The following LHX6 variants were observed in gnomAD, a reference collection of about 807,000 sequenced individuals.
LHX6 encodes LIM homeobox 6, also known as LIM/homeobox protein Lhx6.
Under a neutral mutation model 47.1 loss-of-function variants are expected in LHX6, and 15 were observed. The ratio of observed to expected loss-of-function variants is 0.32; its 90% CI spans 0.21 to 0.49. The LOEUF (loss-of-function observed/expected upper bound fraction) is 0.49. Ranked by LOEUF, LHX6 falls within the 20% of genes least tolerant of loss-of-function variation. LHX6 has a pLI of 0.99. For synonymous variants in LHX6, 242 were observed against 233.5 expected, an observed-to-expected ratio of 1.04 and a Z score of -0.33; for missense variants, 404 against 539.6, an observed-to-expected ratio of 0.75 and a Z score of 2.49.
rs1831114082 is a variant in LHX6, at chr9:122,226,644, T to C, written c.340-147A>G. 7.7e-7 allele frequency: 1 copy of C among 1,304,692 alleles called. No homozygotes were observed. The highest frequency in any genetic ancestry group is 1.4e-5 in the South Asian group (1 of 70,226). 80.8% of individuals were successfully genotyped at this position (1,304,692 alleles called of 1,614,324 possible). On this transcript the variant is annotated intron_variant, in intron 3 of 9. Coordinates refer to ENST00000394319, the MANE Select transcript of LHX6 (RefSeq NM_014368.5). The surrounding 1 kb of genome is among the most constrained non-coding windows in gnomAD (Gnocchi z 6.5). ...TATTTTTCTCCCGTAATACTGAGAC[T>C]CAGGGAAATGGAAATAAACTCTTCT...
At chr9:122,204,887 G>T in intron 9 of LHX6, 107 bp from the exon 10 acceptor site, 1 of 689,072 alleles carries the variant, frequency 1.5e-6, no homozygotes, top group Non-Finnish European at 2.3e-6. Context: ...TCAGGGCCCA[G>T]ATCTGAGTTT....
chr9:122,205,061 T>C (rs1434597719), intron 9 of LHX6, among the ~76,000 whole-genome samples: 1 of 152,216 alleles, frequency 6.6e-6, no homozygotes, highest in African/African-American at 2.4e-5. Context: ...TTCTGGGCAT[T>C]TCACCCTGCA....
chr9:122,219,914 G>C (rs1020807323), intron 4 of LHX6, among the ~76,000 whole-genome samples: 1 of 152,258 alleles, frequency 6.6e-6, no homozygotes, highest in Admixed American at 6.5e-5. Context: ...GCTGATTCTG[G>C]AATCTCCAGC....
chr9:122,223,411 G>A (rs754308892), intron 4 of LHX6, among the ~76,000 whole-genome samples: 76 of 152,206 alleles, frequency 5.0e-4, no homozygotes, highest in Non-Finnish European at 3.2e-4. Context: ...CTCAAGCTGC[G>A]TGGGGAAATG....
At position 122,214,480 on chromosome 9, in the gene LHX6, AGGAGCG is replaced by A; in HGVS notation, c.683-103_683-98del. 7.1e-7 allele frequency: 1 copy of A among 1,398,964 alleles called. No homozygotes were observed. Among genetic ancestry groups the A allele is most frequent in the Non-Finnish European group, 9.2e-7 (1 of 1,081,660 alleles). 86.7% of individuals were successfully genotyped at this position (1,398,964 alleles called of 1,614,324 possible). Reference sequence around the variant, plus strand: ...GGGGGAGCTTGTCCCTGGAAGGGTCAGGAGCGGGAGTTGGCTGGGAGCAGGGATCCC... The same window carrying A: ...GGGGGAGCTTGTCCCTGGAAGGGTCAGGAGTTGGCTGGGAGCAGGGATCCC... On this transcript the variant is annotated intron_variant, in intron 5 of 9. Coordinates refer to ENST00000394319, the MANE Select transcript of LHX6 (RefSeq NM_014368.5). This position sits in a 1 kb window ranked among gnomAD's most constrained non-coding sequence, Gnocchi z 4.6.
rs113235907 is a variant in LHX6, at chr9:122,204,387, G to A, written c.*373C>T. On this transcript the variant is annotated 3_prime_UTR_variant, in exon 10 of 10. Transcript: ENST00000394319. The stretch of plus-strand genomic sequence containing the variant: ...GGAAGTAGTAAATAAAGGCCAATGT[G>A]GGGGAAAAAAACCTGTAAATGAGAA... 3.3e-4 allele frequency: 104 copies of A among 316,340 alleles called. 1 individual carries two copies. Among genetic ancestry groups the A allele is most frequent in the African/African-American group, 1.8e-3 (85 of 46,908 alleles). The allele number at this position is 316,340 out of a possible 1,614,324, so 19.6% of individuals were successfully genotyped here. A position where few individuals can be genotyped will look rare whatever the true frequency, so the allele number is the denominator to read the frequency against.
In LHX6 at chr9:122,209,644, C is replaced by T. The variant is rs531957865; in HGVS notation, c.1128G>A (p.Met376Ile). Residue 376 changes from methionine (M) to isoleucine (I), a missense_variant, in exon 9 of 10, where the codon ATG becomes ATA. This residue lies in a region of LHX6 where 127 missense variants were observed against 116.1 expected (regional missense o/e 1.09). Coordinates refer to ENST00000394319, the MANE Select transcript of LHX6 (RefSeq NM_014368.5). ...TAPPVHLKADMDGPLSNRGEK... is the reference protein window; with the variant it reads ...TAPPVHLKADIDGPLSNRGEK... ...CACCCCGGTTGGAGAGCGGCCCATCCATATCGGCTTTGAGGTGGACGGGGG... is the reference window on the plus strand; with the variant it reads ...CACCCCGGTTGGAGAGCGGCCCATCTATATCGGCTTTGAGGTGGACGGGGG... 4.5e-6 allele frequency: 7 copies of T among 1,563,926 alleles called. No homozygotes were observed. In the East Asian group the frequency reaches 1.3e-4, roughly 30 times the overall value.
chr9:122,206,261 T>C (rs1411114281), intron 9 of LHX6, among the ~76,000 whole-genome samples: 2 of 152,108 alleles, frequency 1.3e-5, no homozygotes, highest in Non-Finnish European at 2.9e-5. Flanking sequence ...GCCAGGCCAG[T>C]GCTGGTCTAG....
Position 122,226,532 on chromosome 9 carries a change from G to A in LHX6, c.340-35C>T, listed in dbSNP as rs746302649. On this transcript the variant is annotated intron_variant, in intron 3 of 9. Coordinates refer to ENST00000394319, the MANE Select transcript of LHX6 (RefSeq NM_014368.5). This position sits in a 1 kb window ranked among gnomAD's most constrained non-coding sequence, Gnocchi z 6.5. ...GGGCGGGGACGGAGGTCGGCTCAGC[G>A]CGGGCCTCTTTCACTCCGGGCCCCA... is the stretch of plus-strand genomic sequence containing the variant. 5.0e-6 allele frequency: 8 copies of A among 1,601,822 alleles called. No homozygotes were observed. The African/African-American group carries it at 8.1e-5, about 16-fold the overall frequency.
Position 122,202,875 on chromosome 9 carries a change from C to T in LHX6, c.*1885G>A, listed in dbSNP as rs890520174. On this transcript the variant is annotated 3_prime_UTR_variant, in exon 10 of 10. Coordinates refer to ENST00000394319, the MANE Select transcript of LHX6 (RefSeq NM_014368.5). ...ATAGACCCTGAGGAGAGGCTCAAGG[C>T]AGAGTGTGTTGGGTGACCCTGGGTA... The T allele has an allele frequency of 3.3e-5, 5 of 152,552 alleles. No individual in the cohort carries two copies. The highest frequency in any genetic ancestry group is 5.9e-5 in the Non-Finnish European group (4 of 68,038). The allele number at this position is 152,552 out of a possible 1,614,324, so 9.4% of individuals were successfully genotyped here.
chr9:122,204,916 C>A (rs1014838967), intron 9 of LHX6, 136 bp from the exon 10 acceptor site: 9 of 529,420 alleles, frequency 1.7e-5, no homozygotes, highest in Non-Finnish European at 2.6e-5. Context: ...GCTCTGTCAA[C>A]TGACTTGCTG....
Position 122,213,757 on chromosome 9 carries a change from C to A in LHX6, c.903G>T (p.Ala301=). The A allele has an allele frequency of 6.3e-7, 1 of 1,599,752 alleles. No homozygotes were observed. The highest frequency in any genetic ancestry group is 8.5e-7 in the Non-Finnish European group (1 of 1,173,790). ...VIQVWFQNCR[A]RHKKHTPQHP... is the part of the protein sequence containing the mutation. The stretch of plus-strand genomic sequence containing the variant: ...GTTGCGGCGTGTGCTTTTTATGACG[C>A]GCCCGGCAGTTTTGAAACCACACCT... Residue 301 remains alanine, a synonymous_variant, in exon 8 of 10, where the codon GCG becomes GCT. Transcript: ENST00000394319. This position sits in a 1 kb window ranked among gnomAD's most constrained non-coding sequence, Gnocchi z 5.5.
chr9:122,204,571 G>T lies in LHX6; in HGVS notation c.*189C>A, dbSNP rs948265184. Reference sequence around the variant, plus strand: ...AAGAGGAGGACTCTGTGGTGCTCCTGGTGGGTTCTGGTTCTCAGCAGGAGA... The same window carrying T: ...AAGAGGAGGACTCTGTGGTGCTCCTTGTGGGTTCTGGTTCTCAGCAGGAGA... On this transcript the variant is annotated 3_prime_UTR_variant, in exon 10 of 10. Coordinates refer to ENST00000394319, the MANE Select transcript of LHX6 (RefSeq NM_014368.5). The T allele has an allele frequency of 3.9e-6, 2 of 509,430 alleles. No individual in the cohort carries two copies. Among genetic ancestry groups the T allele is most frequent in the Non-Finnish European group, 7.0e-6 (2 of 286,790 alleles). The allele number at this position is 509,430 out of a possible 1,614,324, so 31.6% of individuals were successfully genotyped here. A position where few individuals can be genotyped will look rare whatever the true frequency, so the allele number is the denominator to read the frequency against.
chr9:122,217,304 A>G lies in LHX6; in HGVS notation c.462-16T>C. 1 of 1,600,988 alleles carries G rather than the reference A, an allele frequency of 6.2e-7. No individual in the cohort carries two copies. Among genetic ancestry groups the G allele is most frequent in the Non-Finnish European group, 8.5e-7 (1 of 1,175,624 alleles). On this transcript the variant is annotated splice_polypyrimidine_tract_variant and intron_variant, in intron 4 of 9. Coordinates refer to ENST00000394319, the MANE Select transcript of LHX6 (RefSeq NM_014368.5). This position sits in a 1 kb window ranked among gnomAD's most constrained non-coding sequence, Gnocchi z 4.9. ...CCCGAATCGGCTGCAGGTCGAGAGGACAGGCACGGGGTGTCGAGACTCAGA... is the reference window on the plus strand; with the variant it reads ...CCCGAATCGGCTGCAGGTCGAGAGGGCAGGCACGGGGTGTCGAGACTCAGA...
chr9:122,223,382 C>T (rs1830954041), intron 4 of LHX6, among the ~76,000 whole-genome samples: 1 of 152,244 alleles, frequency 6.6e-6, no homozygotes, highest in African/African-American at 2.4e-5. Flanking sequence ...AGTCCCATCC[C>T]TCCAGGCAGG....
Position 122,213,559 on chromosome 9 carries a change from G to C in LHX6, c.1054+47C>G. ...CAGCCGCCCACGTGCGCTCCTCCGC[G>C]CCCCCTCCCCGCAGGCCCAGCGGCT... is the stretch of plus-strand genomic sequence containing the variant. On this transcript the variant is annotated intron_variant, in intron 8 of 9. Transcript: ENST00000394319. This position sits in a 1 kb window ranked among gnomAD's most constrained non-coding sequence, Gnocchi z 5.5. The C allele has an allele frequency of 6.0e-6, 9 of 1,492,764 alleles. No individual in the cohort carries two copies. The South Asian group carries it at 1.2e-4, about 20-fold the overall frequency. 92.5% of individuals were successfully genotyped at this position (1,492,764 alleles called of 1,614,324 possible).
At chr9:122,210,699 C>T (rs984949092) in intron 8 of LHX6, among the ~76,000 whole-genome samples, 44 of 152,242 alleles carry the variant, frequency 2.9e-4, no homozygotes, top group African/African-American at 1.1e-3. Context: ...GTAGCTGGGA[C>T]TACTGGCATG....
At position 122,217,893 on chromosome 9, in the gene LHX6, T is replaced by G. The variant is rs1034175532; in HGVS notation, c.462-605A>C. 1.6e-4 allele frequency among the ~76,000 whole-genome samples: 24 copies of G among 152,232 alleles called. No individual in the cohort carries two copies. Among genetic ancestry groups the G allele is most frequent in the African/African-American group, 5.8e-4 (24 of 41,464 alleles). On this transcript the variant is annotated intron_variant, in intron 4 of 9. Coordinates refer to ENST00000394319, the MANE Select transcript of LHX6 (RefSeq NM_014368.5). The surrounding 1 kb of genome is among the most constrained non-coding windows in gnomAD (Gnocchi z 4.9). ...AAACTGTTTAACTCTGAGTTCTCGT[T>G]TTCCTTGTCCTGCACTGAACTAGAT...
chr9:122,225,146 T>A (rs1482570631), intron 4 of LHX6, among the ~76,000 whole-genome samples: 1 of 152,118 alleles, frequency 6.6e-6, no homozygotes, highest in Non-Finnish European at 1.5e-5. Context: ...ATTCCCTGAC[T>A]CCCAGAGGCT....
Sources: allele counts gnomAD v4.1 joint callset (sites outside exome capture counted in the v4.1 genomes callset), GRCh38; gene constraint gnomAD v4.1.1; regional missense constraint gnomAD v4.1.1; non-coding constraint Gnocchi (gnomAD v3.1); transcripts MANE v1.5; gene names NCBI Gene and HGNC (gene_info 2026-07-23, HGNC 2026-07-21).